The following DDX50 variants were observed in gnomAD, a reference collection of about 807,000 sequenced individuals.
DDX50 encodes the protein ATP-dependent RNA helicase DDX50.
In DDX50, 56 loss-of-function variants were observed where a neutral mutation model predicts 94.8. That is an observed-to-expected ratio of 0.59 (90% CI 0.48 to 0.74). The LOEUF (loss-of-function observed/expected upper bound fraction) is 0.74. Ranked by LOEUF, DDX50 falls within the 30% of genes least tolerant of loss-of-function variation. The probability of loss-of-function intolerance (pLI) is 0.00; values close to 1 mark genes in which losing one functional copy is unlikely to be tolerated. For missense variants in DDX50, 713 were observed against 881.2 expected, an observed-to-expected ratio of 0.81 and a Z score of 2.42; for synonymous variants, 264 against 295.4, an observed-to-expected ratio of 0.89 and a Z score of 1.09.
intron 8 of DDX50, among the ~76,000 whole-genome samples, chr10:68,929,325 T>C (rs12416544): frequency 2.2e-5 from 3 of 133,350 alleles, no homozygotes; most frequent in East Asian, 2.1e-4. Context: ...TTCTTTCTCT[T>C]TCTTTCTTTC....
chr10:68,934,820 C>T lies in DDX50; in HGVS notation c.1423C>T (p.Arg475Cys), dbSNP rs1350293087. 5 of 1,609,728 alleles carry T rather than the reference C, an allele frequency of 3.1e-6. No homozygotes were observed. Among genetic ancestry groups the T allele is most frequent in the African/African-American group, 1.3e-5 (1 of 74,854 alleles). Residue 475 changes from arginine (R) to cysteine (C), a missense_variant, in exon 10 of 15, where the codon CGC becomes TGC. Around this residue, in one of 2 missense-constraint regions of DDX50, gnomAD observed 428 missense variants for 602.3 expected, o/e 0.71. Transcript: ENST00000373585. The surrounding 1 kb of genome is among the most constrained non-coding windows in gnomAD (Gnocchi z 4.0). Reference protein sequence around the residue: ...PPQDVESYIHRSGRTGRAGRT... With the variant: ...PPQDVESYIHCSGRTGRAGRT... ...TTAGGATGTTGAGTCCTATATCCAT[C>T]GCTCTGGACGCACAGGTAGAGCTGG...
chr10:68,917,755 A>G (rs2132034492), intron 7 of DDX50, among the ~76,000 whole-genome samples: 1 of 152,136 alleles, frequency 6.6e-6, no homozygotes, highest in South Asian at 2.1e-4. Context: ...GGCATGCGCC[A>G]CCATGTCCGG....
chr10:68,906,818 A>C lies in DDX50; in HGVS notation c.195A>C (p.Lys65Asn). The change falls in exon 2 of 15, where the codon AAA becomes AAC. Residue 65 changes from lysine to asparagine, a missense_variant. Around this residue, in one of 2 missense-constraint regions of DDX50, gnomAD observed 285 missense variants for 278.9 expected, o/e 1.02. Coordinates refer to ENST00000373585, the MANE Select transcript of DDX50 (RefSeq NM_024045.2). ...DLDAPKAKKS[K>N]MKEKLNGDTE... ...ATGCTCCCAAGGCCAAAAAATCTAAAATGAAAGAGAAGCTAAATGGAGACA... is the reference window on the plus strand; with the variant it reads ...ATGCTCCCAAGGCCAAAAAATCTAACATGAAAGAGAAGCTAAATGGAGACA... 6.2e-7 allele frequency: 1 copy of C among 1,613,798 alleles called. No homozygotes were observed. Among genetic ancestry groups the C allele is most frequent in the Non-Finnish European group, 8.5e-7 (1 of 1,179,960 alleles).
chr10:68,920,698 C>T (rs1841916668), intron 8 of DDX50, among the ~76,000 whole-genome samples: 1 of 151,788 alleles, frequency 6.6e-6, no homozygotes, highest in Non-Finnish European at 1.5e-5. Flanking sequence ...GTAATCCCAG[C>T]ACTTTGGGAG....
At chr10:68,929,296 T>TTCCTTCCTTCCC (rs1354099619) in intron 8 of DDX50, among the ~76,000 whole-genome samples, 2 of 66,136 alleles carry the variant, frequency 3.0e-5, no homozygotes, top group Admixed American at 1.4e-4. Context: ...TTCCTTCCTC[T>TTCCTTCCTTCCC]CTCTCTCTCT....
rs554145095 is a variant in DDX50 at position 68,907,897 on chromosome 10, A to G, written c.384+890A>G. Among the ~76,000 whole-genome samples, 8 of 152,252 alleles carry G rather than the reference A, an allele frequency of 5.3e-5. No individual in the cohort carries two copies. The South Asian group carries it at 1.5e-3, about 28-fold the overall frequency. ...TGTATTATAATAGGTTTAACAGTTT[A>G]TTATTTTGTTTAGATCACATGAGAG... On this transcript the variant is annotated intron_variant, in intron 2 of 14. Coordinates refer to ENST00000373585, the MANE Select transcript of DDX50 (RefSeq NM_024045.2).
intron 7 of DDX50, among the ~76,000 whole-genome samples, chr10:68,918,357 C>G (rs1281677984): frequency 6.6e-6 from 1 of 150,912 alleles, no homozygotes; most frequent in East Asian, 1.9e-4. Context: ...TCATTTCTAT[C>G]TAGTTCCAAA....
chr10:68,928,006 G>A (rs1163144287), intron 8 of DDX50, among the ~76,000 whole-genome samples: 1 of 152,156 alleles, frequency 6.6e-6, no homozygotes, highest in African/African-American at 2.4e-5. Flanking sequence ...GGGCGACAGA[G>A]CAAGATTCCA....
intron 12 of DDX50, among the ~76,000 whole-genome samples, 170 bp from the exon 13 acceptor site, chr10:68,940,890 A>G (rs1377771529): frequency 6.6e-6 from 1 of 152,246 alleles, no homozygotes; most frequent in Non-Finnish European, 1.5e-5. Context: ...TCAATTATCT[A>G]TAAACACTAT....
chr10:68,914,297 T>C (rs567474852), intron 7 of DDX50, 93 bp downstream of exon 7: 1 of 1,342,348 alleles, frequency 7.4e-7, no homozygotes, highest in South Asian at 1.3e-5. Flanking sequence ...GGGTACCTCT[T>C]CATGCCTAAT....
In DDX50 at chr10:68,934,511, T is replaced by C; in HGVS notation, c.1401+151T>C. 8.8e-7 allele frequency: 1 copy of C among 1,140,178 alleles called. No homozygotes were observed. The allele number at this position is 1,140,178 out of a possible 1,614,324, so 70.6% of individuals were successfully genotyped here. A position where few individuals can be genotyped will look rare whatever the true frequency, so the allele number is the denominator to read the frequency against. On this transcript the variant is annotated intron_variant, in intron 9 of 14. Transcript: ENST00000373585. The surrounding 1 kb of genome is among the most constrained non-coding windows in gnomAD (Gnocchi z 4.0). Reference sequence around the variant, plus strand: ...GTGTGCTATTAAATTTATCAGATTCTGATACTTTTGCAGATGATTAACTCT... The same window carrying C: ...GTGTGCTATTAAATTTATCAGATTCCGATACTTTTGCAGATGATTAACTCT...
intron 8 of DDX50, among the ~76,000 whole-genome samples, chr10:68,922,606 A>C (rs1841969761): frequency 6.6e-6 from 1 of 152,082 alleles, no homozygotes; most frequent in Non-Finnish European, 1.5e-5. Flanking sequence ...AAGCCTGGGC[A>C]ATATAGCAAG....
chr10:68,946,539 G>A lies in DDX50; in HGVS notation c.2123G>A (p.Gly708Glu). 1 of 1,614,238 alleles carries A rather than the reference G, an allele frequency of 6.2e-7. No homozygotes were observed. The highest frequency in any genetic ancestry group is 1.1e-5 in the South Asian group (1 of 91,090). ...GGRSGRQSRQ[G>E]SRSGSRQDGR... is the part of the protein sequence containing the mutation. ...CGGTCAGGTAGACAGAGTCGACAAG[G>A]AAGTCGCTCAGGAAGTCGACAAGAT... Residue 708 changes from glycine to glutamate, a missense_variant, in exon 15 of 15, where the codon GGA (glycine) becomes GAA (glutamate). By Grantham distance (98) the Gly-to-Glu change is moderately conservative. Around this residue, in one of 2 missense-constraint regions of DDX50, gnomAD observed 428 missense variants for 602.3 expected, o/e 0.71. Coordinates refer to ENST00000373585, the MANE Select transcript of DDX50 (RefSeq NM_024045.2).
In DDX50 at chr10:68,938,177, A is replaced by G. The variant is rs145714221; in HGVS notation, c.1755+1082A>G. On this transcript the variant is annotated intron_variant, in intron 12 of 14. Coordinates refer to ENST00000373585, the MANE Select transcript of DDX50 (RefSeq NM_024045.2). ...AACTGAAACTTGTATCCCAGAACCT[A>G]CATTTCATTTTGTAAGTTTCCATGG... Among the ~76,000 whole-genome samples, 402 of 152,304 alleles carry G rather than the reference A, an allele frequency of 2.6e-3. 3 individuals carry two copies. Among genetic ancestry groups the G allele is most frequent in the African/African-American group, 9.2e-3 (382 of 41,560 alleles).
At chr10:68,941,337 A>G (rs1842549213) in intron 13 of DDX50, 143 bp downstream of exon 13, 14 of 1,137,304 alleles carry the variant, frequency 1.2e-5, no homozygotes, top group Non-Finnish European at 7.4e-6. Flanking sequence ...TCCAGTTATA[A>G]ATTTGGGGCA....
chr10:68,934,721 AT>A lies in DDX50; in HGVS notation c.1402-76del. On this transcript the variant is annotated intron_variant, in intron 9 of 14. Coordinates refer to ENST00000373585, the MANE Select transcript of DDX50 (RefSeq NM_024045.2). This position sits in a 1 kb window ranked among gnomAD's most constrained non-coding sequence, Gnocchi z 4.0. ...ACAGGATTGAAATAAATATATTATTATTAACATTATTATTTGGATTCCGGAA... is the reference window on the plus strand; with the variant it reads ...ACAGGATTGAAATAAATATATTATTATAACATTATTATTTGGATTCCGGAA... The A allele has an allele frequency of 7.9e-6, 11 of 1,399,664 alleles. No individual in the cohort carries two copies. 86.7% of individuals were successfully genotyped at this position (1,399,664 alleles called of 1,614,324 possible).
intron 8 of DDX50, among the ~76,000 whole-genome samples, chr10:68,922,607 A>G (rs1014370616): frequency 3.9e-5 from 6 of 152,158 alleles, no homozygotes; most frequent in Middle Eastern, 3.4e-3. Flanking sequence ...AGCCTGGGCA[A>G]TATAGCAAGA....
chr10:68,916,795 C>T (rs1564605803), intron 7 of DDX50, among the ~76,000 whole-genome samples: 2 of 152,184 alleles, frequency 1.3e-5, no homozygotes, highest in South Asian at 2.1e-4. Context: ...GTGATTCCTC[C>T]TGCCTCAGCC....
chr10:68,936,038 T>C lies in DDX50; in HGVS notation c.1554T>C (p.Ser518=). The change falls in exon 11 of 15, where the codon TCT becomes TCC. Residue 518 remains serine (S), a synonymous_variant. Coordinates refer to ENST00000373585, the MANE Select transcript of DDX50 (RefSeq NM_024045.2). ...CTTTTAAACGTGTAGGTGTTCCTTCTACAATGGATTTAGTTAAATCTAAAA... is the reference window on the plus strand; with the variant it reads ...CTTTTAAACGTGTAGGTGTTCCTTCCACAATGGATTTAGTTAAATCTAAAA... ...GITFKRVGVP[S]TMDLVKSKSM... 6.2e-7 allele frequency: 1 copy of C among 1,610,634 alleles called. No individual in the cohort carries two copies. The highest frequency in any genetic ancestry group is 8.5e-7 in the Non-Finnish European group (1 of 1,178,770).
Sources: gnomAD v4.1 joint callset for allele counts (sites outside exome capture counted in the v4.1 genomes callset) on GRCh38, gnomAD v4.1.1 for gene constraint, gnomAD v4.1.1 regional missense constraint, Gnocchi (gnomAD v3.1) non-coding constraint, MANE v1.5 for transcripts, NCBI Gene and HGNC (gene_info 2026-07-23, HGNC 2026-07-21) for gene names.